Variants in NEDD9 observed in about 807,000 individuals in gnomAD.
The protein encoded by NEDD9 is enhancer of filamentation 1.
A neutral mutation model predicts 76.6 loss-of-function variants in NEDD9; 26 were observed. That is an observed-to-expected ratio of 0.34 (90% CI 0.25 to 0.47). The LOEUF (loss-of-function observed/expected upper bound fraction) is 0.47. Ranked by LOEUF, NEDD9 falls within the 20% of genes least tolerant of loss-of-function variation. NEDD9 has a pLI of 1.00. For synonymous variants in NEDD9, 392 were observed against 414.2 expected (o/e 0.95, Z 0.65); for missense variants, 937 against 1,058.5 (o/e 0.89, Z 1.59).
chr6:11,292,345 G>C (rs1760797571), intron 3 of NEDD9, among the ~76,000 whole-genome samples: 1 of 152,222 alleles, frequency 6.6e-6, no homozygotes, highest in Admixed American at 6.5e-5. Context: ...ACCTTGGTCA[G>C]CGTCTTCTTG....
intron 1 of NEDD9, among the ~76,000 whole-genome samples, chr6:11,223,987 G>A (rs564619652): frequency 2.0e-5 from 3 of 152,256 alleles, no homozygotes; most frequent in South Asian, 2.1e-4. Context: ...ATGTGCTTCC[G>A]GACTCTCCCA....
At chr6:11,261,692 T>C (rs1581988278) in intron 3 of NEDD9, among the ~76,000 whole-genome samples, 1 of 152,222 alleles carries the variant, frequency 6.6e-6, no homozygotes, top group African/African-American at 2.4e-5. Flanking sequence ...ATCAGAGAGA[T>C]TATATGGATG....
At chr6:11,303,979 G>A (rs1039809848) in intron 3 of NEDD9, among the ~76,000 whole-genome samples, 1 of 152,144 alleles carries the variant, frequency 6.6e-6, no homozygotes, top group Non-Finnish European at 1.5e-5. Context: ...AAACTAAAGA[G>A]CTTCTGCACA....
intron 2 of NEDD9, chr6:11,199,580 G>A (rs1419011618): frequency 7.1e-6 from 1 of 140,906 alleles, no homozygotes; most frequent in Non-Finnish European, 1.5e-5. Flanking sequence ...CTAGGTAATT[G>A]AGATTAACCA....
In NEDD9 at chr6:11,241,196, A is replaced by G. The variant is rs1759701892; in HGVS notation, c.13-27469T>C. On this transcript the variant is annotated intron_variant, in intron 3 of 3. Transcript: ENST00000397378. The surrounding 1 kb of genome is among the most constrained non-coding windows in gnomAD (Gnocchi z 4.0). ...TCCTCTTTCCGGAGGCACTGCCCAA[A>G]CACAATCATCTTGGTGCATACTACC... 6.6e-6 allele frequency among the ~76,000 whole-genome samples: 1 copy of G among 152,218 alleles called. No individual in the cohort carries two copies. The highest frequency in any genetic ancestry group is 2.4e-5 in the African/African-American group (1 of 41,458).
chr6:11,237,617 G>T (rs749382989), upstream of NEDD9, among the ~76,000 whole-genome samples: 4 of 152,048 alleles, frequency 2.6e-5, no homozygotes, highest in Non-Finnish European at 2.9e-5. This position sits in a 1 kb window ranked among gnomAD's most constrained non-coding sequence, Gnocchi z 4.9. Flanking sequence ...TTCAAATTTC[G>T]ATGTCTATAA....
upstream of NEDD9, among the ~76,000 whole-genome samples, chr6:11,234,341 C>T (rs1360842232): frequency 6.6e-6 from 1 of 152,192 alleles, no homozygotes. Context: ...AAGCCCTTCC[C>T]ATCTGTAAGA....
chr6:11,283,431 G>T (rs1262393653), intron 3 of NEDD9, among the ~76,000 whole-genome samples: 1 of 152,190 alleles, frequency 6.6e-6, no homozygotes, highest in Non-Finnish European at 1.5e-5. Flanking sequence ...ATGAATGAAT[G>T]AATGAATGGC....
Position 11,282,303 on chromosome 6 carries a change from C to T in NEDD9, c.12+23689G>A, listed in dbSNP as rs563746115. Reference sequence around the variant, plus strand: ...CATGTTACCATGCTTTCCAGATACTCCTCCGACAACCCTGGCTGTTCCCTC... The same window carrying T: ...CATGTTACCATGCTTTCCAGATACTTCTCCGACAACCCTGGCTGTTCCCTC... On this transcript the variant is annotated intron_variant, in intron 3 of 3. Coordinates refer to the NEDD9 transcript ENST00000397378. Among the ~76,000 whole-genome samples the T allele has an allele frequency of 2.0e-4, 30 of 152,334 alleles. No homozygotes were observed. In the South Asian group the frequency reaches 6.2e-3, roughly 32 times the overall value.
intron 1 of NEDD9, among the ~76,000 whole-genome samples, chr6:11,221,426 G>T (rs776426690): frequency 6.6e-6 from 1 of 151,282 alleles, no homozygotes; most frequent in Non-Finnish European, 1.5e-5. Context: ...GAAGGGGGAA[G>T]AACACCTAGG....
At chr6:11,376,612 C>T (rs1255907822) in intron 1 of NEDD9, among the ~76,000 whole-genome samples, 3 of 152,086 alleles carry the variant, frequency 2.0e-5, no homozygotes, top group Non-Finnish European at 4.4e-5. Context: ...CTTCCAGCAA[C>T]CTAAATCAGA....
chr6:11,353,404 G>A (rs1762507000), intron 1 of NEDD9, among the ~76,000 whole-genome samples: 1 of 152,190 alleles, frequency 6.6e-6, no homozygotes, highest in Non-Finnish European at 1.5e-5. Flanking sequence ...GGAGAAGGCG[G>A]CCCTGTGAAG....
At chr6:11,302,602 T>A (rs901557974) in intron 3 of NEDD9, among the ~76,000 whole-genome samples, 27 of 152,202 alleles carry the variant, frequency 1.8e-4, no homozygotes, top group Non-Finnish European at 1.2e-4. Context: ...TGAACATTGA[T>A]GCAAAAATCC....
chr6:11,187,968 C>T (rs964382900), intron 6 of NEDD9, among the ~76,000 whole-genome samples: 2 of 152,134 alleles, frequency 1.3e-5, no homozygotes. Context: ...CCAAATAGTC[C>T]TCATATGTTA....
intron 2 of NEDD9, among the ~76,000 whole-genome samples, chr6:11,327,537 T>C (rs1370981297): frequency 2.0e-5 from 3 of 152,238 alleles, no homozygotes; most frequent in African/African-American, 7.2e-5. Flanking sequence ...CCTCGAAGTC[T>C]GGAGGTTGAA....
At chr6:11,205,318 C>T (rs192197173) in intron 2 of NEDD9, among the ~76,000 whole-genome samples, 9 of 152,318 alleles carry the variant, frequency 5.9e-5, no homozygotes, top group African/African-American at 2.2e-4. Flanking sequence ...GCTCAAGGCG[C>T]CTTGGGGTCA....
chr6:11,367,297 C>T (rs766036654), intron 1 of NEDD9, among the ~76,000 whole-genome samples: 7 of 152,226 alleles, frequency 4.6e-5, no homozygotes, highest in African/African-American at 7.2e-5. Context: ...AAAAGCTTAC[C>T]GATGGCTGGA....
intron 1 of NEDD9, among the ~76,000 whole-genome samples, chr6:11,360,146 C>A (rs1000184852): frequency 5.3e-5 from 8 of 152,106 alleles, no homozygotes; most frequent in African/African-American, 1.9e-4. Flanking sequence ...GCTATTGGAA[C>A]GAGGCTCAGT....
rs952210702 is a variant in NEDD9 at position 11,308,400 on chromosome 6, G to C, written c.-152-2245C>G. The stretch of plus-strand genomic sequence containing the variant: ...TTTTTTTTTTTTTGATACGAAGTCT[G>C]GCTCTGTCACCCAGGCTGGAGTGCA... On this transcript the variant is annotated intron_variant, in intron 2 of 3. Coordinates refer to the NEDD9 transcript ENST00000397378. 4.9e-4 allele frequency among the ~76,000 whole-genome samples: 60 copies of C among 122,438 alleles called. 1 individual carries two copies. Among genetic ancestry groups the C allele is most frequent in the African/African-American group, 1.7e-3 (54 of 31,764 alleles). The allele number at this position is 122,438 out of a possible 152,430, so 80.3% of individuals were successfully genotyped here.
Sources: allele counts gnomAD v4.1 joint callset (sites outside exome capture counted in the v4.1 genomes callset), GRCh38; gene constraint gnomAD v4.1.1; non-coding constraint Gnocchi (gnomAD v3.1); transcripts MANE v1.5; gene names NCBI Gene and HGNC (gene_info 2026-07-23, HGNC 2026-07-21).